COL27A1: variants seen among roughly 807,000 people sequenced by gnomAD.
COL27A1 encodes collagen alpha-1(XXVII) chain.
COL27A1 carries 106 observed loss-of-function variants against 251.3 expected under a neutral mutation model. The observed-to-expected ratio is 0.42, with a 90% CI of 0.36 to 0.50. The LOEUF (loss-of-function observed/expected upper bound fraction) is 0.50, where lower values mean the gene tolerates loss of function less well. Among genes scored for constraint, COL27A1 ranks in the 20% least tolerant of loss-of-function variants. The probability of loss-of-function intolerance (pLI) is 0.00; values close to 1 mark genes in which losing one functional copy is unlikely to be tolerated. For synonymous variants in COL27A1, 1,000 were observed against 986.3 expected (o/e 1.01, Z -0.26); for missense variants, 2,325 against 2,522.8 (o/e 0.92, Z 1.68).
intron 2 of COL27A1, among the ~76,000 whole-genome samples, chr9:114,163,585 G>A (rs956751352): frequency 3.3e-5 from 5 of 152,158 alleles, no homozygotes; most frequent in Non-Finnish European, 7.3e-5. Context: ...ACATCTGTTT[G>A]TCAAGCAGCC....
rs777397773 is a variant in COL27A1, at chr9:114,168,857, G to A, written c.1302G>A (p.Arg434=). The change falls in exon 3 of 61, where the codon AGG becomes AGA. Residue 434 remains arginine (R), a synonymous_variant. Transcript: ENST00000356083. ...TCCAGAGGAACCCGGGAATGCCCAG[G>A]CCCCCACCGCCCAGCACCCGGCCCC... ...KPIQRNPGMP[R]PPPPSTRPLP... 84 of 1,613,678 alleles carry A rather than the reference G, an allele frequency of 5.2e-5. No homozygotes were observed. The highest frequency in any genetic ancestry group is 1.6e-4 in the South Asian group (15 of 91,062).
At chr9:114,217,839 C>T (rs531987130) in intron 12 of COL27A1, 19 of 470,238 alleles carry the variant, frequency 4.0e-5, no homozygotes, top group African/African-American at 8.0e-5. Flanking sequence ...CCTGGCTGGA[C>T]GCCATGGCTC....
intron 14 of COL27A1, among the ~76,000 whole-genome samples, chr9:114,229,468 G>A (rs146687445): frequency 3.6e-4 from 55 of 152,244 alleles, no homozygotes; most frequent in South Asian, 1.9e-3. Context: ...ACGTCTCCAG[G>A]CAGCTCCGAC....
chr9:114,198,042 G>T (rs773167647), intron 7 of COL27A1, among the ~76,000 whole-genome samples: 15 of 152,250 alleles, frequency 9.9e-5, no homozygotes, highest in Non-Finnish European at 2.1e-4. Flanking sequence ...CTCTGATCTT[G>T]CAGTGTGGCT....
chr9:114,205,835 GCT>G (rs1829912732), intron 9 of COL27A1, 23 bp downstream of exon 9: 1 of 1,604,514 alleles, frequency 6.2e-7, no homozygotes. Flanking sequence ...GCTTCTGGAA[GCT>G]CTGTGGCCAT....
chr9:114,267,083 G>T (rs1834799987), intron 33 of COL27A1, among the ~76,000 whole-genome samples: 1 of 152,330 alleles, frequency 6.6e-6, no homozygotes, highest in African/African-American at 2.4e-5. Flanking sequence ...CCATGCCCAC[G>T]GTGATAACTC....
chr9:114,232,553 AG>A (rs1161849059), intron 16 of COL27A1, among the ~76,000 whole-genome samples: 1 of 152,192 alleles, frequency 6.6e-6, no homozygotes, highest in African/African-American at 2.4e-5. Flanking sequence ...GGACCCCCGA[AG>A]GGGGTGCAGG....
intron 12 of COL27A1, among the ~76,000 whole-genome samples, chr9:114,216,522 C>T (rs940718625): frequency 6.6e-6 from 1 of 152,148 alleles, no homozygotes; most frequent in Non-Finnish European, 1.5e-5. Flanking sequence ...CACTTAGTAG[C>T]GGAGGGATGA....
chr9:114,307,809 G>A, intron 59 of COL27A1, 31 bp downstream of exon 59: 1 of 1,526,922 alleles, frequency 6.5e-7, no homozygotes, highest in East Asian at 2.3e-5. Flanking sequence ...TGCCCACCAG[G>A]CTGTCTGCCT....
At chr9:114,294,484 T>C (rs1179722153) in intron 49 of COL27A1, among the ~76,000 whole-genome samples, 2 of 152,166 alleles carry the variant, frequency 1.3e-5, no homozygotes, top group Admixed American at 1.3e-4. Flanking sequence ...ATAATAAGGA[T>C]AATACATCAA....
At position 114,290,757 on chromosome 9, in the gene COL27A1, C is replaced by T. The variant is rs987285410; in HGVS notation, c.4369-53C>T. On this transcript the variant is annotated intron_variant, in intron 47 of 60. Transcript: ENST00000356083. This position sits in a 1 kb window ranked among gnomAD's most constrained non-coding sequence, Gnocchi z 4.6. ...GCCCAGGCGTTGAGCCATCTGCTTC[C>T]TTGGCTGTATCGTGAAACACAAGAG... is the stretch of plus-strand genomic sequence containing the variant. The T allele has an allele frequency of 1.4e-6, 2 of 1,385,888 alleles. No homozygotes were observed. The highest frequency in any genetic ancestry group is 2.0e-6 in the Non-Finnish European group (2 of 1,017,300). 85.8% of individuals were successfully genotyped at this position (1,385,888 alleles called of 1,614,324 possible). A position where few individuals can be genotyped will look rare whatever the true frequency, so the allele number is the denominator to read the frequency against.
chr9:114,310,971 C>T lies in COL27A1; in HGVS notation c.*276C>T. On this transcript the variant is annotated 3_prime_UTR_variant, in exon 61 of 61. Coordinates refer to ENST00000356083, the MANE Select transcript of COL27A1 (RefSeq NM_032888.4). ...AACCTGCCTGAGCCCCGTGGCCTCT[C>T]AGCTCTGCGGCCACCCCGTTCCCTC... 2.8e-6 allele frequency: 1 copy of T among 360,552 alleles called. No individual in the cohort carries two copies. Among genetic ancestry groups the T allele is most frequent in the Non-Finnish European group, 5.1e-6 (1 of 196,912 alleles). 22.3% of individuals were successfully genotyped at this position (360,552 alleles called of 1,614,324 possible). A position where few individuals can be genotyped will look rare whatever the true frequency, so the allele number is the denominator to read the frequency against.
intron 56 of COL27A1, among the ~76,000 whole-genome samples, chr9:114,303,654 C>G (rs146496663): frequency 6.6e-6 from 1 of 152,288 alleles, no homozygotes; most frequent in Admixed American, 6.5e-5. Flanking sequence ...AAGCAGCTTT[C>G]CCCAGATTAT....
chr9:114,169,157 G>T lies in COL27A1; in HGVS notation c.1602G>T (p.Lys534Asn). The part of the protein sequence containing the change: ...PTPGSAPTGS[K>N]KPIGSEASKK... ...CTGGCTCAGCTCCCACTGGAAGCAA[G>T]AAGCCCATTGGATCGGAAGCCTCAA... Residue 534 changes from lysine (K) to asparagine (N), a missense_variant, in exon 3 of 61, where the codon AAG becomes AAT. Transcript: ENST00000356083. The T allele has an allele frequency of 6.2e-7, 1 of 1,614,108 alleles. No individual in the cohort carries two copies. The highest frequency in any genetic ancestry group is 8.5e-7 in the Non-Finnish European group (1 of 1,180,022).
intron 25 of COL27A1, 105 bp from the exon 26 acceptor site, chr9:114,252,488 C>G (rs1045268327): frequency 2.1e-6 from 2 of 942,094 alleles, no homozygotes; most frequent in African/African-American, 3.2e-5. Flanking sequence ...CTTGAGCAAA[C>G]CCCTACCTCT....
intron 44 of COL27A1, 77 bp downstream of exon 44, chr9:114,289,044 C>T: frequency 1.3e-6 from 2 of 1,559,650 alleles, no homozygotes; most frequent in Non-Finnish European, 1.8e-6. Context: ...GAACTAGGCC[C>T]TTTAAAGCTT....
At position 114,279,361 on chromosome 9, in the gene COL27A1, G is replaced by C. The variant is rs184803076; in HGVS notation, c.3718-2916G>C. On this transcript the variant is annotated intron_variant, in intron 37 of 60. Transcript: ENST00000356083. The stretch of plus-strand genomic sequence containing the variant: ...AATTGAACAAACATTTATGTGGAAT[G>C]AGAACACAGCACATGGCCCGTGGTG... Among the ~76,000 whole-genome samples the C allele has an allele frequency of 3.1e-3, 471 of 152,334 alleles. 10 individuals carry two copies. Among genetic ancestry groups the C allele is most frequent in the Admixed American group, 0.026 (404 of 15,306 alleles).
At chr9:114,234,152 C>G (rs1463825438) in intron 16 of COL27A1, among the ~76,000 whole-genome samples, 1 of 145,576 alleles carries the variant, frequency 6.9e-6, no homozygotes, top group Non-Finnish European at 1.5e-5. Flanking sequence ...GCCTTTTAAA[C>G]TTTCCTTGTT....
intron 37 of COL27A1, among the ~76,000 whole-genome samples, chr9:114,281,833 A>G (rs978505346): frequency 2.6e-5 from 4 of 152,200 alleles, no homozygotes; most frequent in Non-Finnish European, 5.9e-5. Context: ...GGCTGCCTCA[A>G]CTGGAAGCGG....
Sources: allele counts gnomAD v4.1 joint callset (sites outside exome capture counted in the v4.1 genomes callset), GRCh38; gene constraint gnomAD v4.1.1; non-coding constraint Gnocchi (gnomAD v3.1); transcripts MANE v1.5; gene names NCBI Gene and HGNC (gene_info 2026-07-23, HGNC 2026-07-21).